RTTN: variants seen among roughly 807,000 people sequenced by gnomAD.
The protein encoded by RTTN is rotatin.
Under a neutral mutation model 269.2 loss-of-function variants are expected in RTTN, and 182 were observed. That is an observed-to-expected ratio of 0.68 (90% CI 0.60 to 0.76). RTTN has a LOEUF of 0.76. Ranked by LOEUF, RTTN falls within the 30% of genes least tolerant of loss-of-function variation. The pLI is 0.00. For missense variants in RTTN, 2,545 were observed against 2,608.6 expected (o/e 0.98, Z 0.53); for synonymous variants, 1,006 against 963.5 (o/e 1.04, Z -0.82).
intron 10 of RTTN, among the ~76,000 whole-genome samples, chr18:70,185,549 T>G (rs999918581): frequency 3.3e-5 from 5 of 152,186 alleles, no homozygotes; most frequent in Non-Finnish European, 5.9e-5. Flanking sequence ...TGGTGAAAGA[T>G]CGAATGCTTC....
chr18:70,093,300 A>G lies in RTTN; in HGVS notation c.3904-496T>C, dbSNP rs150476216. ...GATGTGTGGTGCCCTCCTAGTACACAGTTGTAACTTAGAATATGCTTATAA... is the reference window on the plus strand; with the variant it reads ...GATGTGTGGTGCCCTCCTAGTACACGGTTGTAACTTAGAATATGCTTATAA... On this transcript the variant is annotated intron_variant, in intron 28 of 48. Coordinates refer to ENST00000640769, the MANE Select transcript of RTTN (RefSeq NM_173630.4). 1.5e-4 allele frequency among the ~76,000 whole-genome samples: 22 copies of G among 151,186 alleles called. No homozygotes were observed. The East Asian group carries it at 4.3e-3, about 29-fold the overall frequency.
At chr18:70,050,992 G>C (rs940387064) in intron 39 of RTTN, among the ~76,000 whole-genome samples, 2 of 151,980 alleles carry the variant, frequency 1.3e-5, no homozygotes, top group Non-Finnish European at 1.5e-5. Flanking sequence ...CTAGATGATC[G>C]GTTGATAGGT....
In RTTN at chr18:70,128,432, T is replaced by C; in HGVS notation, c.3069A>G (p.Ile1023Met). The change falls in exon 24 of 49, where the codon ATA becomes ATG. Residue 1023 changes from isoleucine to methionine, a missense_variant. Coordinates refer to ENST00000640769, the MANE Select transcript of RTTN (RefSeq NM_173630.4). ...ALKPVSDMLR[I>M]AWNLSWYHGS... is the part of the protein sequence containing the mutation. Reference sequence around the variant, plus strand: ...CATGATACCATGACAGGTTCCAAGCTATTCTCAGCATATCTGACACCGGCT... The same window carrying C: ...CATGATACCATGACAGGTTCCAAGCCATTCTCAGCATATCTGACACCGGCT... 6.2e-7 allele frequency: 1 copy of C among 1,613,426 alleles called. No individual in the cohort carries two copies.
chr18:70,038,869 AAC>A (rs1249121918), intron 40 of RTTN, among the ~76,000 whole-genome samples: 5 of 152,236 alleles, frequency 3.3e-5, no homozygotes, highest in African/African-American at 1.2e-4. Flanking sequence ...AGATAAATTT[AAC>A]AGAGAGATTT....
chr18:70,010,225 AG>A (rs1407312961), intron 46 of RTTN, among the ~76,000 whole-genome samples: 4 of 152,156 alleles, frequency 2.6e-5, no homozygotes, highest in Non-Finnish European at 2.9e-5. Context: ...CTCAACTCTG[AG>A]CCAAGTGGAC....
intron 9 of RTTN, among the ~76,000 whole-genome samples, chr18:70,189,738 T>C (rs970177932): frequency 6.6e-6 from 1 of 151,890 alleles, no homozygotes; most frequent in Non-Finnish European, 1.5e-5. Flanking sequence ...ACAAAATGGG[T>C]TGATATGAAA....
chr18:70,075,683 T>A, intron 32 of RTTN, 142 bp from the exon 33 acceptor site: 1 of 600,776 alleles, frequency 1.7e-6, no homozygotes, highest in Non-Finnish European at 2.8e-6. Flanking sequence ...CTTACACAGT[T>A]ATAGCAGCCT....
intron 36 of RTTN, among the ~76,000 whole-genome samples, chr18:70,058,924 C>T (rs8089067): frequency 0.9 from 137,183 of 152,216 alleles, 62,666 homozygotes; most frequent in East Asian, 1. Context: ...TTTATATTTT[C>T]TAGAGTTTTC....
At position 70,048,738 on chromosome 18, in the gene RTTN, T is replaced by C. The variant is rs550559563; in HGVS notation, c.5324-550A>G. ...GCAGTAGGGTTTCATGAGAATTATG[T>C]TCATTTAAATGATGTCCAAATATTA... On this transcript the variant is annotated intron_variant, in intron 39 of 48. Transcript: ENST00000640769. 5.9e-5 allele frequency among the ~76,000 whole-genome samples: 9 copies of C among 152,266 alleles called. No individual in the cohort carries two copies. In the South Asian group the frequency reaches 1.9e-3, roughly 32 times the overall value.
chr18:70,103,329 G>T (rs1483813187), intron 28 of RTTN, among the ~76,000 whole-genome samples: 1 of 151,858 alleles, frequency 6.6e-6, no homozygotes. Flanking sequence ...GGGGAAATGT[G>T]GGGAAAAGAA....
In RTTN at chr18:70,139,282, T is replaced by C. The variant is rs139342442; in HGVS notation, c.2788+317A>G. Among the ~76,000 whole-genome samples, 593 of 152,206 alleles carry C rather than the reference T, an allele frequency of 3.9e-3. 4 individuals carry two copies. Among genetic ancestry groups the C allele is most frequent in the African/African-American group, 0.012 (514 of 41,538 alleles). On this transcript the variant is annotated intron_variant, in intron 21 of 48. Coordinates refer to ENST00000640769, the MANE Select transcript of RTTN (RefSeq NM_173630.4). The stretch of plus-strand genomic sequence containing the variant: ...GACGAAAGAGATATTGGAAAGAAGA[T>C]AGTAATAACAGCAGCTGCAACTTTC...
intron 3 of RTTN, among the ~76,000 whole-genome samples, chr18:70,202,694 C>T (rs1240440438): frequency 2.0e-5 from 3 of 152,204 alleles, no homozygotes. Context: ...ATGTTAGAAT[C>T]CTGCATCTGC....
At chr18:70,141,216 C>T (rs1188270488) in intron 19 of RTTN, among the ~76,000 whole-genome samples, 1 of 152,096 alleles carries the variant, frequency 6.6e-6, no homozygotes, top group Non-Finnish European at 1.5e-5. Context: ...CCAGTTTCCA[C>T]TAATGTCAAG....
chr18:70,067,424 G>T (rs1399741892), intron 34 of RTTN, among the ~76,000 whole-genome samples: 1 of 152,176 alleles, frequency 6.6e-6, no homozygotes, highest in African/African-American at 2.4e-5. Context: ...CTCCCAAAGT[G>T]CTGGGATTAC....
intron 4 of RTTN, among the ~76,000 whole-genome samples, chr18:70,200,397 ACAATCT>A (rs914493556): frequency 1.3e-5 from 2 of 152,206 alleles, no homozygotes; most frequent in African/African-American, 4.8e-5. Context: ...TAAAAGTGTA[ACAATCT>A]CAATCCCCCT....
intron 45 of RTTN, among the ~76,000 whole-genome samples, chr18:70,018,409 A>G (rs1447284901): frequency 2.0e-5 from 3 of 152,228 alleles, no homozygotes; most frequent in Admixed American, 6.5e-5. Flanking sequence ...AGCCCATGGC[A>G]GCATGGAAAC....
chr18:70,164,216 T>C (rs1461673828), intron 14 of RTTN, among the ~76,000 whole-genome samples: 2 of 65,916 alleles, frequency 3.0e-5, no homozygotes, highest in Non-Finnish European at 8.4e-5. Flanking sequence ...TTTCCTTTTT[T>C]TTTTTTTTTT....
Position 70,031,498 on chromosome 18 carries a change from G to A in RTTN, c.5542-517C>T, listed in dbSNP as rs145170031. 283 of 396,518 alleles carry A rather than the reference G, an allele frequency of 7.1e-4. 4 individuals are homozygous for A. The highest frequency in any genetic ancestry group is 5.2e-3 in the African/African-American group (255 of 48,614). 24.6% of individuals were successfully genotyped at this position (396,518 alleles called of 1,614,324 possible). A position where few individuals can be genotyped will look rare whatever the true frequency, so the allele number is the denominator to read the frequency against. On this transcript the variant is annotated intron_variant, in intron 40 of 48. Coordinates refer to ENST00000640769, the MANE Select transcript of RTTN (RefSeq NM_173630.4). ...ATATAACATTTTCTCAAAAAATAGT[G>A]TGTAACTTTTTTGACTTTCAGAGAA...
intron 19 of RTTN, among the ~76,000 whole-genome samples, chr18:70,140,994 T>G (rs2060243473): frequency 6.6e-6 from 1 of 152,096 alleles, no homozygotes; most frequent in Non-Finnish European, 1.5e-5. Flanking sequence ...AAAAAAAAAT[T>G]TCCATTGCCC....
Sources: allele counts gnomAD v4.1 joint callset (sites outside exome capture counted in the v4.1 genomes callset), GRCh38; gene constraint gnomAD v4.1.1; transcripts MANE v1.5; gene names NCBI Gene and HGNC (gene_info 2026-07-23, HGNC 2026-07-21).